POFUT3: variants seen among roughly 807,000 people sequenced by gnomAD.
POFUT3 encodes the protein GDP-fucose protein O-fucosyltransferase 3.
At chr8:33,434,623 A>G in the POFUT3 span, among the ~76,000 whole-genome samples, 1 of 152,212 alleles carries the variant, frequency 6.6e-6, no homozygotes. Context: ...GCCCCACTGT[A>G]GAACTGGAGA....
At chr8:33,447,136 C>T in the POFUT3 span, among the ~76,000 whole-genome samples, 7 of 152,264 alleles carry the variant, frequency 4.6e-5, no homozygotes, top group East Asian at 1.9e-4. Flanking sequence ...TCTACCACAT[C>T]GGGTCATGGA....
At chr8:33,455,087 T>C in the POFUT3 span, among the ~76,000 whole-genome samples, 3 of 152,206 alleles carry the variant, frequency 2.0e-5, no homozygotes, top group African/African-American at 7.2e-5. Flanking sequence ...ATTAAAGTAG[T>C]CATAACATGG....
At chr8:33,309,167 A>AATATATATATATAT in the POFUT3 span, among the ~76,000 whole-genome samples, 1 of 53,674 alleles carries the variant, frequency 1.9e-5, no homozygotes, top group Non-Finnish European at 3.1e-5. Flanking sequence ...AAAAAAAAAA[A>AATATATATATATAT]ATATATATAT....
At chr8:33,387,506 C>A in the POFUT3 span, among the ~76,000 whole-genome samples, 2 of 151,978 alleles carry the variant, frequency 1.3e-5, no homozygotes, top group Non-Finnish European at 2.9e-5. Context: ...TGTTGGCCTT[C>A]GGAAAATTTA....
chr8:33,344,071 G>A, the POFUT3 span, among the ~76,000 whole-genome samples: 10 of 152,052 alleles, frequency 6.6e-5, no homozygotes, highest in Admixed American at 1.3e-4. Flanking sequence ...CCGTTAGTTC[G>A]TTTGTCTTGT....
the POFUT3 span, among the ~76,000 whole-genome samples, chr8:33,322,287 T>A: frequency 1.3e-5 from 2 of 152,136 alleles, no homozygotes; most frequent in Non-Finnish European, 2.9e-5. Flanking sequence ...GAGATTAACA[T>A]GTGTAAGACA....
At chr8:33,318,923 CATAAATATATTTTACATATA>C in the POFUT3 span, among the ~76,000 whole-genome samples, 4 of 24,280 alleles carry the variant, frequency 1.6e-4, no homozygotes, top group Non-Finnish European at 2.2e-4. Context: ...TTATATAATA[CATAAATATATTTTACATATA>C]TTTATATAAT....
the POFUT3 span, among the ~76,000 whole-genome samples, chr8:33,427,674 CGACAAGCCCACT>C: frequency 6.6e-6 from 1 of 152,154 alleles, no homozygotes; most frequent in Non-Finnish European, 1.5e-5. Context: ...GGAAAGCAGA[CGACAAGCCCACT>C]GCCTGGCCAG....
the POFUT3 span, among the ~76,000 whole-genome samples, chr8:33,356,179 A>G: frequency 6.6e-6 from 1 of 152,214 alleles, no homozygotes; most frequent in African/African-American, 2.4e-5. Flanking sequence ...TCATTTGGGT[A>G]TATACCCAGT....
chr8:33,450,957 G>C, the POFUT3 span, among the ~76,000 whole-genome samples: 6 of 151,872 alleles, frequency 4.0e-5, no homozygotes, highest in Non-Finnish European at 7.4e-5. Context: ...CCACACCAAA[G>C]CAGTTATTAC....
At chr8:33,328,793 C>T in the POFUT3 span, among the ~76,000 whole-genome samples, 1 of 152,112 alleles carries the variant, frequency 6.6e-6, no homozygotes, top group Non-Finnish European at 1.5e-5. Flanking sequence ...AACCAACACC[C>T]AAATCTGTAA....
chr8:33,366,876 C>T, the POFUT3 span, among the ~76,000 whole-genome samples: 2 of 152,144 alleles, frequency 1.3e-5, no homozygotes, highest in Admixed American at 6.5e-5. Flanking sequence ...CACACAAGCA[C>T]TGTGAGACTC....
the POFUT3 span, among the ~76,000 whole-genome samples, chr8:33,315,000 T>G: frequency 6.6e-6 from 1 of 152,212 alleles, no homozygotes; most frequent in Non-Finnish European, 1.5e-5. Context: ...TATGCTTCAG[T>G]AGAACCAAAA....
At chr8:33,432,686 T>C in the POFUT3 span, among the ~76,000 whole-genome samples, 2 of 152,282 alleles carry the variant, frequency 1.3e-5, no homozygotes, top group South Asian at 4.1e-4. Flanking sequence ...AGCCCAAATA[T>C]GCTGCTTATA....
chr8:33,441,783 G>C, the POFUT3 span, among the ~76,000 whole-genome samples: 2 of 152,206 alleles, frequency 1.3e-5, no homozygotes, highest in African/African-American at 2.4e-5. Flanking sequence ...GAATGGAGCT[G>C]CACGCACATC....
At chr8:33,314,688 G>A in the POFUT3 span, among the ~76,000 whole-genome samples, 2 of 152,166 alleles carry the variant, frequency 1.3e-5, no homozygotes, top group African/African-American at 4.8e-5. Flanking sequence ...TACATTGGAG[G>A]CAGATTACTT....
the POFUT3 span, among the ~76,000 whole-genome samples, chr8:33,455,123 T>G: frequency 6.6e-6 from 1 of 152,204 alleles, no homozygotes; most frequent in East Asian, 1.9e-4. Context: ...TAATACTCAC[T>G]ATAGCACTGA....
At chr8:33,372,920 A>G in the POFUT3 span, 5 of 890,708 alleles carry the variant, frequency 5.6e-6, no homozygotes, top group Non-Finnish European at 8.6e-6. Flanking sequence ...TAAAGGGGAA[A>G]GAAAGCATCT....
the POFUT3 span, among the ~76,000 whole-genome samples, chr8:33,314,184 T>C: frequency 6.6e-6 from 1 of 152,316 alleles, no homozygotes; most frequent in South Asian, 2.1e-4. Flanking sequence ...TTTCGTCTCT[T>C]GCCAGAGGTG....
Sources: gnomAD v4.1 joint callset for allele counts (sites outside exome capture counted in the v4.1 genomes callset) on GRCh38, gnomAD v4.1.1 for gene constraint, MANE v1.5 for transcripts, NCBI Gene and HGNC (gene_info 2026-07-23, HGNC 2026-07-21) for gene names.